TF: variants seen among roughly 807,000 people sequenced by gnomAD.
TF encodes the protein transferrin, also known as serotransferrin.
A neutral mutation model predicts 82.4 loss-of-function variants in TF; 55 were observed. That is an observed-to-expected ratio of 0.67 (90% CI 0.54 to 0.84). The LOEUF (loss-of-function observed/expected upper bound fraction) is 0.84, where lower values mean the gene tolerates loss of function less well. Among genes scored for constraint, TF ranks in the 40% least tolerant of loss-of-function variants. The pLI is 0.00. For synonymous variants in TF, 332 were observed against 332.6 expected (o/e 1.00, Z 0.02); for missense variants, 737 against 868.4 (o/e 0.85, Z 1.90).
the TF span, among the ~76,000 whole-genome samples, chr3:133,695,568 G>A: frequency 6.6e-6 from 1 of 152,140 alleles, no homozygotes; most frequent in East Asian, 1.9e-4. Context: ...ATATCTGATA[G>A]AAATTTAATT....
the TF span, among the ~76,000 whole-genome samples, chr3:133,689,714 T>C: frequency 2.0e-5 from 3 of 152,150 alleles, no homozygotes; most frequent in African/African-American, 7.2e-5. Context: ...AAAATTCAGA[T>C]ACATTGTCAG....
At chr3:133,706,493 T>C in the TF span, among the ~76,000 whole-genome samples, 1 of 151,722 alleles carries the variant, frequency 6.6e-6, no homozygotes, top group Non-Finnish European at 1.5e-5. Flanking sequence ...ACCAGCAGCA[T>C]CAGCATCCCC....
At chr3:133,673,785 G>A in the TF span, among the ~76,000 whole-genome samples, 1 of 152,186 alleles carries the variant, frequency 6.6e-6, no homozygotes, top group African/African-American at 2.4e-5. Flanking sequence ...TGATAATTAA[G>A]CCGTACATTT....
chr3:133,681,105 C>T, the TF span, among the ~76,000 whole-genome samples: 1 of 152,224 alleles, frequency 6.6e-6, no homozygotes, highest in Non-Finnish European at 1.5e-5. Context: ...GTGCTCTCTA[C>T]ACTAATTATT....
At chr3:133,690,054 C>CGGAT in the TF span, among the ~76,000 whole-genome samples, 2 of 151,920 alleles carry the variant, frequency 1.3e-5, no homozygotes, top group Non-Finnish European at 2.9e-5. Context: ...CTTCTTAATC[C>CGGAT]ATTCACCAAA....
chr3:133,743,350 C>G (rs765260243), upstream of TF, among the ~76,000 whole-genome samples: 21 of 152,136 alleles, frequency 1.4e-4, no homozygotes, highest in Non-Finnish European at 2.6e-4. Context: ...CTCTCCCAGA[C>G]TGACCAGCCC....
At chr3:133,737,589 G>C in the TF span, among the ~76,000 whole-genome samples, 1 of 151,956 alleles carries the variant, frequency 6.6e-6, no homozygotes, top group Non-Finnish European at 1.5e-5. Context: ...TAAGAAAAGA[G>C]AGAAGAGTCA....
chr3:133,668,678 C>G, the TF span, among the ~76,000 whole-genome samples: 1 of 152,322 alleles, frequency 6.6e-6, no homozygotes, highest in African/African-American at 2.4e-5. Flanking sequence ...ACCCTTAGCA[C>G]TCATGCACAT....
chr3:133,727,601 C>G, the TF span, among the ~76,000 whole-genome samples: 17,929 of 86,762 alleles, frequency 0.21, 2,173 homozygotes, highest in East Asian at 0.35. Flanking sequence ...GGTCTTGACT[C>G]TTTATCCAAT....
the TF span, among the ~76,000 whole-genome samples, chr3:133,668,554 C>T: frequency 1.3e-5 from 2 of 152,260 alleles, no homozygotes; most frequent in Middle Eastern, 3.4e-3. Flanking sequence ...CTGTTTGTGC[C>T]TCCCCATTCC....
the TF span, among the ~76,000 whole-genome samples, chr3:133,663,603 G>A: frequency 6.6e-6 from 1 of 152,050 alleles, no homozygotes; most frequent in Admixed American, 6.6e-5. Context: ...CACTATTCCC[G>A]TTTACTCTTT....
the TF span, among the ~76,000 whole-genome samples, chr3:133,730,623 G>T: frequency 6.6e-6 from 1 of 152,156 alleles, no homozygotes; most frequent in Non-Finnish European, 1.5e-5. Context: ...CCAATTCTAA[G>T]AACCTGGAAA....
chr3:133,697,679 G>C, the TF span, among the ~76,000 whole-genome samples: 1 of 152,100 alleles, frequency 6.6e-6, no homozygotes, highest in Non-Finnish European at 1.5e-5. Context: ...GTGGAAAAGT[G>C]ATTTATTTCT....
the TF span, among the ~76,000 whole-genome samples, chr3:133,733,795 G>A: frequency 1.3e-5 from 2 of 152,040 alleles, no homozygotes; most frequent in Non-Finnish European, 2.9e-5. Flanking sequence ...TGATTAAAAG[G>A]CTGGCTGCTC....
the TF span, among the ~76,000 whole-genome samples, chr3:133,682,188 A>C: frequency 6.6e-6 from 1 of 152,144 alleles, no homozygotes; most frequent in African/African-American, 2.4e-5. Context: ...TCAACACCAA[A>C]ACCCCATCTG....
the TF span, chr3:133,699,792 G>GC: frequency 5.8e-6 from 2 of 344,470 alleles, no homozygotes; most frequent in South Asian, 2.4e-5. Flanking sequence ...CAGTCTATAT[G>GC]TGTTATATAC....
chr3:133,726,689 C>G, the TF span, among the ~76,000 whole-genome samples: 1 of 151,966 alleles, frequency 6.6e-6, no homozygotes, highest in Admixed American at 6.6e-5. Context: ...TTATTTCTTG[C>G]CTTCTGCTAG....
At chr3:133,724,350 A>C in the TF span, among the ~76,000 whole-genome samples, 1 of 152,208 alleles carries the variant, frequency 6.6e-6, no homozygotes, top group Admixed American at 6.5e-5. Context: ...TCACCATTCT[A>C]ACTGGTGTAA....
chr3:133,787,365 G>C lies in TF; in HGVS notation c.*8745G>C, dbSNP rs1396425001. On this transcript the variant is annotated 3_prime_UTR_variant, in exon 17 of 17. Transcript: ENST00000402696. The stretch of plus-strand genomic sequence containing the variant: ...CCACTGGATTGAAGACAGAGAGAAG[G>C]GAGTGAGGAAGGACTGGTTCAAGGT... 1 of 152,130 alleles carries C rather than the reference G, an allele frequency of 6.6e-6. No individual in the cohort carries two copies. The highest frequency in any genetic ancestry group is 1.5e-5 in the Non-Finnish European group (1 of 68,022). 9.4% of individuals were successfully genotyped at this position (152,130 alleles called of 1,614,324 possible). A position where few individuals can be genotyped will look rare whatever the true frequency, so the allele number is the denominator to read the frequency against.
Sources: allele counts gnomAD v4.1 joint callset (sites outside exome capture counted in the v4.1 genomes callset), GRCh38; gene constraint gnomAD v4.1.1; transcripts MANE v1.5; gene names NCBI Gene and HGNC (gene_info 2026-07-23, HGNC 2026-07-21).